The following SMC2 variants were observed in gnomAD, a reference collection of about 807,000 sequenced individuals.
SMC2 encodes structural maintenance of chromosomes 2.
SMC2 carries 41 observed loss-of-function variants against 142.6 expected under a neutral mutation model. The ratio of observed to expected loss-of-function variants is 0.29; its 90% CI spans 0.22 to 0.37. The LOEUF (loss-of-function observed/expected upper bound fraction) is 0.37, where lower values mean the gene tolerates loss of function less well. Among genes scored for constraint, SMC2 ranks in the 10% least tolerant of loss-of-function variants. SMC2 has a pLI of 1.00. For missense variants in SMC2, 1,265 were observed against 1,373.7 expected (o/e 0.92, Z 1.25); for synonymous variants, 463 against 457.5 (o/e 1.01, Z -0.15).
chr9:104,100,188 G>A lies in SMC2; in HGVS notation c.576G>A (p.Leu192=). ...CTATAGAAAAAAAGGAGGCTAAGCT[G>A]AAAGAAATTAAGACGGTAATTTAAT... ...QKTIEKKEAK[L]KEIKTILEEE... Residue 192 remains leucine, a synonymous_variant, in exon 6 of 25, where the codon CTG becomes CTA. Transcript: ENST00000374793. 6.4e-7 allele frequency: 1 copy of A among 1,552,508 alleles called. No homozygotes were observed. Among genetic ancestry groups the A allele is most frequent in the Non-Finnish European group, 8.7e-7 (1 of 1,151,182 alleles).
At position 104,127,385 on chromosome 9, in the gene SMC2, C is replaced by T. The variant is rs1461374127; in HGVS notation, c.2695C>T (p.His899Tyr). ...AGCTAAATATGCAGAAGTGGCAAAA[C>T]ACAAGGAGCAAAACAATGATTCTCA... is the stretch of plus-strand genomic sequence containing the variant. ...IKAKYAEVAK[H>Y]KEQNNDSQLK... is the part of the protein sequence containing the mutation. The change falls in exon 20 of 25, where the codon CAC becomes TAC. Residue 899 changes from histidine to tyrosine, a missense_variant. His to Tyr is a moderately conservative substitution (Grantham distance 83, BLOSUM62 2). Coordinates refer to ENST00000374793, the MANE Select transcript of SMC2 (RefSeq NM_006444.3). 2 of 1,613,622 alleles carry T rather than the reference C, an allele frequency of 1.2e-6. No homozygotes were observed. The highest frequency in any genetic ancestry group is 1.7e-6 in the Non-Finnish European group (2 of 1,179,796).
At chr9:104,107,596 G>A (rs1161261957) in intron 9 of SMC2, among the ~76,000 whole-genome samples, 1 of 152,218 alleles carries the variant, frequency 6.6e-6, no homozygotes, top group Non-Finnish European at 1.5e-5. Flanking sequence ...TGGGTTATAT[G>A]CTGTGTTTAG....
chr9:104,140,891 T>C lies in SMC2; in HGVS notation c.*1576T>C, dbSNP rs1202789602. The C allele has an allele frequency of 6.6e-6, 1 of 152,220 alleles. No homozygotes were observed. The highest frequency in any genetic ancestry group is 2.4e-5 in the African/African-American group (1 of 41,464). 9.4% of individuals were successfully genotyped at this position (152,220 alleles called of 1,614,324 possible). On this transcript the variant is annotated 3_prime_UTR_variant, in exon 25 of 25. Coordinates refer to ENST00000374793, the MANE Select transcript of SMC2 (RefSeq NM_006444.3). ...ATTAAGTGGTACTTCATTGCTGTTT[T>C]AGCCAACGTTTTAAAAATAATTTGG...
intron 22 of SMC2, 74 bp from the exon 23 acceptor site, chr9:104,134,341 A>C (rs772743021): frequency 2.2e-4 from 252 of 1,130,526 alleles, no homozygotes; most frequent in South Asian, 3.7e-4. Flanking sequence ...GCTGTGTTGC[A>C]TATACATATA....
chr9:104,123,226 A>G lies in SMC2; in HGVS notation c.2251A>G (p.Thr751Ala), dbSNP rs201775203. The G allele has an allele frequency of 1.0e-4, 161 of 1,611,864 alleles. 1 individual carries two copies. Among genetic ancestry groups the G allele is most frequent in the South Asian group, 3.3e-4 (30 of 90,754 alleles). ...QQEELDALKK[T>A]IEESEETLKN... is the part of the protein sequence containing the mutation. Reference sequence around the variant, plus strand: ...AGAAGAATTAGATGCCCTTAAAAAAACCATTGGTAAGATGAAAACAGTCCA... The same window carrying G: ...AGAAGAATTAGATGCCCTTAAAAAAGCCATTGGTAAGATGAAAACAGTCCA... The change falls in exon 17 of 25, where the codon ACC (threonine) becomes GCC (alanine). Residue 751 changes from threonine (T) to alanine (A), a missense_variant. Physicochemically the swap from Thr to Ala is moderately conservative, Grantham distance 58. Coordinates refer to ENST00000374793, the MANE Select transcript of SMC2 (RefSeq NM_006444.3).
chr9:104,113,514 G>A, intron 11 of SMC2, 39 bp downstream of exon 11: 4 of 1,480,758 alleles, frequency 2.7e-6, no homozygotes, highest in Non-Finnish European at 2.7e-6. Context: ...TCATGAGGAG[G>A]TAGTGATTTT....
intron 9 of SMC2, among the ~76,000 whole-genome samples, chr9:104,106,326 T>C (rs2131348486): frequency 6.6e-6 from 1 of 152,340 alleles, no homozygotes; most frequent in South Asian, 2.1e-4. Flanking sequence ...GAGTGACATA[T>C]ATTTGTCCCT....
At chr9:104,096,420 G>A (rs1290890102) in intron 3 of SMC2, 123 bp downstream of exon 3, 1 of 793,572 alleles carries the variant, frequency 1.3e-6, no homozygotes, top group Non-Finnish European at 2.1e-6. Context: ...CTTAAATTCT[G>A]ACTAGATTCC....
rs755444333 is a variant in SMC2 at position 104,096,272 on chromosome 9, A to G, written c.293A>G (p.His98Arg). The change falls in exon 3 of 25, where the codon CAT becomes CGT. Residue 98 changes from histidine to arginine, a missense_variant. By Grantham distance (29) the His-to-Arg change is conservative. This residue lies in a region of SMC2 where 168 missense variants were observed against 184.8 expected (regional missense o/e 0.91). Coordinates refer to ENST00000374793, the MANE Select transcript of SMC2 (RefSeq NM_006444.3). ...KKQSPLGFEV[H>R]DEITVTRQVV... ...CAAAGTCCTTTAGGATTTGAGGTTC[A>G]TGATGAAATCACAGTAACAAGGCAG... 1.9e-6 allele frequency: 3 copies of G among 1,614,170 alleles called. No homozygotes were observed. Among genetic ancestry groups the G allele is most frequent in the South Asian group, 2.2e-5 (2 of 91,076 alleles).
In SMC2 at chr9:104,120,039, A is replaced by G. The variant is rs1244540039; in HGVS notation, c.2009A>G (p.Gln670Arg). 6.2e-7 allele frequency: 1 copy of G among 1,613,982 alleles called. No homozygotes were observed. The highest frequency in any genetic ancestry group is 1.3e-5 in the African/African-American group (1 of 75,032). The change falls in exon 16 of 25, where the codon CAG (glutamine) becomes CGG (arginine). Residue 670 changes from glutamine (Q) to arginine (R), a missense_variant. Gln to Arg is a conservative substitution (Grantham distance 43). Around this residue, in one of 4 missense-constraint regions of SMC2, gnomAD observed 898 missense variants for 904.2 expected, o/e 0.99. Transcript: ENST00000374793. ...HGTLSGGARS[Q>R]AASILTKFQE... ...TTGCCTCTATCAGGTGCTCGATCCC[A>G]GGCAGCTTCCATTTTAACCAAGTTT... is the stretch of plus-strand genomic sequence containing the variant.
chr9:104,110,107 C>G (rs188750788), intron 9 of SMC2, among the ~76,000 whole-genome samples: 2 of 152,264 alleles, frequency 1.3e-5, no homozygotes, highest in Admixed American at 1.3e-4. Flanking sequence ...AGAAAGTGAT[C>G]TCTTGTGGTT....
intron 13 of SMC2, 108 bp downstream of exon 13, chr9:104,114,937 A>C (rs1964767978): frequency 2.5e-6 from 2 of 813,418 alleles, no homozygotes; most frequent in Admixed American, 3.1e-5. Flanking sequence ...CCCTAAGGTG[A>C]CTTATTTATA....
rs749776192 is a variant in SMC2 at position 104,131,991 on chromosome 9, A to G, written c.2992-18A>G. 1 of 1,216,540 alleles carries G rather than the reference A, an allele frequency of 8.2e-7. No homozygotes were observed. The highest frequency in any genetic ancestry group is 1.2e-6 in the Non-Finnish European group (1 of 846,826). 75.4% of individuals were successfully genotyped at this position (1,216,540 alleles called of 1,614,324 possible). Reference sequence around the variant, plus strand: ...AGATTTTATATTTTCCCAGTTAACCATGTTTTTTATCTCATAGTACAATGA... The same window carrying G: ...AGATTTTATATTTTCCCAGTTAACCGTGTTTTTTATCTCATAGTACAATGA... On this transcript the variant is annotated intron_variant, in intron 21 of 24. Coordinates refer to ENST00000374793, the MANE Select transcript of SMC2 (RefSeq NM_006444.3).
At chr9:104,096,364 G>T in intron 3 of SMC2, 67 bp downstream of exon 3, 1 of 1,492,146 alleles carries the variant, frequency 6.7e-7, no homozygotes, top group South Asian at 1.2e-5. Context: ...TTGGCCCTAT[G>T]CCTTTGCAAA....
chr9:104,126,822 C>T lies in SMC2; in HGVS notation c.2595+38C>T, dbSNP rs756923786. 18 of 1,559,570 alleles carry T rather than the reference C, an allele frequency of 1.2e-5. No individual in the cohort carries two copies. The highest frequency in any genetic ancestry group is 2.3e-5 in the South Asian group (2 of 86,006). ...TATCAAATTCGAGAAATTGAAAATG[C>T]GAATCTTTTTATGAAACATTAGCTT... On this transcript the variant is annotated intron_variant, in intron 19 of 24. Coordinates refer to ENST00000374793, the MANE Select transcript of SMC2 (RefSeq NM_006444.3).
intron 1 of SMC2, 159 bp from the exon 2 acceptor site, chr9:104,095,165 A>G (rs2131268729): frequency 2.1e-6 from 1 of 484,536 alleles, no homozygotes; most frequent in Non-Finnish European, 3.6e-6. Context: ...TAACTCTGGT[A>G]TATTTTTGAG....
the SMC2 span, among the ~76,000 whole-genome samples, chr9:104,088,790 C>T: frequency 2.0e-5 from 3 of 152,102 alleles, no homozygotes; most frequent in Non-Finnish European, 4.4e-5. Context: ...CAAGTCTTCT[C>T]CACTCAACTA....
At chr9:104,104,869 C>A (rs1479375730) in intron 9 of SMC2, among the ~76,000 whole-genome samples, 1 of 152,192 alleles carries the variant, frequency 6.6e-6, no homozygotes, top group East Asian at 1.9e-4. Context: ...TTCACTGTGC[C>A]CAGGAGGACC....
At position 104,101,997 on chromosome 9, in the gene SMC2, G is replaced by C; in HGVS notation, c.674G>C (p.Arg225Thr). Residue 225 changes from arginine (R) to threonine (T), a missense_variant, in exon 8 of 25, where the codon AGA (arginine) becomes ACA (threonine). This residue lies in a region of SMC2 where 898 missense variants were observed against 904.2 expected (regional missense o/e 0.99). Transcript: ENST00000374793. ...SSYLEYQKVM[R>T]EIEHLSRLYI... ...TACTTGGAGTACCAAAAAGTAATGA[G>C]AGAAATAGAACATTTGAGTCGTTTA... The C allele has an allele frequency of 1.2e-6, 2 of 1,608,304 alleles. No homozygotes were observed. The highest frequency in any genetic ancestry group is 8.5e-7 in the Non-Finnish European group (1 of 1,177,914).
Sources: gnomAD v4.1 joint callset for allele counts (sites outside exome capture counted in the v4.1 genomes callset) on GRCh38, gnomAD v4.1.1 for gene constraint, gnomAD v4.1.1 regional missense constraint, MANE v1.5 for transcripts, NCBI Gene and HGNC (gene_info 2026-07-23, HGNC 2026-07-21) for gene names.